Variants in KLHL1 observed in about 807,000 individuals in gnomAD.
The protein encoded by KLHL1 is kelch like family member 1.
In KLHL1, 47 loss-of-function variants were observed where a neutral mutation model predicts 77.7. The observed-to-expected ratio is 0.60, with a 90% CI of 0.48 to 0.77. KLHL1 has a LOEUF of 0.77. Among genes scored for constraint, KLHL1 ranks in the 30% least tolerant of loss-of-function variants. The pLI is 0.00. For synonymous variants in KLHL1, 360 were observed against 325.2 expected (o/e 1.11, Z -1.15); for missense variants, 925 against 910.8 (o/e 1.02, Z -0.20).
intron 4 of KLHL1, among the ~76,000 whole-genome samples, chr13:69,910,916 C>A (rs1021769326): frequency 6.6e-6 from 1 of 152,058 alleles, no homozygotes; most frequent in Non-Finnish European, 1.5e-5. Context: ...GAAAAAGTGA[C>A]TTCTGAATGA....
intron 7 of KLHL1, among the ~76,000 whole-genome samples, chr13:69,744,486 AAT>A (rs143343158): frequency 0.013 from 1,952 of 150,302 alleles, 46 homozygotes; most frequent in African/African-American, 0.044. Flanking sequence ...TTCAAAGTAT[AAT>A]ATATATATAT....
At chr13:69,806,473 A>G (rs563957445) in intron 6 of KLHL1, among the ~76,000 whole-genome samples, 2 of 152,298 alleles carry the variant, frequency 1.3e-5, no homozygotes, top group East Asian at 3.9e-4. Context: ...CTAGGAGAGA[A>G]CACTTGGATT....
Position 69,850,924 on chromosome 13 carries a change from GA to G in KLHL1, c.1228-11763del, listed in dbSNP as rs534148264. Among the ~76,000 whole-genome samples the G allele has an allele frequency of 7.9e-5, 12 of 151,576 alleles. No individual in the cohort carries two copies. In the South Asian group the frequency reaches 2.5e-3, roughly 31 times the overall value. On this transcript the variant is annotated intron_variant, in intron 5 of 10. Coordinates refer to ENST00000377844, the MANE Select transcript of KLHL1 (RefSeq NM_020866.3). ...GCTTTTTTCTTCTTTTGAACTATCT[GA>G]CTGACTCCTAGTTTTACCCTGTGTT...
At chr13:70,001,108 A>G (rs1196265093) in intron 1 of KLHL1, among the ~76,000 whole-genome samples, 1 of 151,190 alleles carries the variant, frequency 6.6e-6, no homozygotes, top group Non-Finnish European at 1.5e-5. Context: ...GTATTTAATT[A>G]TTTGTTGTTT....
chr13:69,912,907 C>G (rs890909423), intron 4 of KLHL1, among the ~76,000 whole-genome samples: 1 of 152,138 alleles, frequency 6.6e-6, no homozygotes, highest in African/African-American at 2.4e-5. Flanking sequence ...CAGCTCTCTC[C>G]TTGTGGGGAC....
chr13:70,045,507 A>C (rs940721723), intron 1 of KLHL1, among the ~76,000 whole-genome samples: 3 of 152,108 alleles, frequency 2.0e-5, no homozygotes, highest in African/African-American at 7.2e-5. Context: ...TCTATGAAAC[A>C]AAAAAGTGGG....
chr13:70,011,839 T>C (rs1885540532), intron 1 of KLHL1, among the ~76,000 whole-genome samples: 1 of 152,174 alleles, frequency 6.6e-6, no homozygotes, highest in Admixed American at 6.6e-5. Context: ...TTCATGCCGT[T>C]GATAAAGACA....
intron 1 of KLHL1, among the ~76,000 whole-genome samples, chr13:70,002,770 G>A (rs577675407): frequency 2.0e-5 from 3 of 151,484 alleles, no homozygotes; most frequent in Non-Finnish European, 3.0e-5. Context: ...ATATGCTAAC[G>A]TGCTAAGTAT....
At chr13:70,090,061 C>A (rs1887636775) in intron 1 of KLHL1, among the ~76,000 whole-genome samples, 2 of 152,006 alleles carry the variant, frequency 1.3e-5, no homozygotes, top group South Asian at 4.1e-4. Context: ...GTCATAGAAT[C>A]CTAACTCTGT....
chr13:69,939,340 C>CATATATATATATATATATAT (rs34074889), intron 4 of KLHL1, among the ~76,000 whole-genome samples: 6 of 60,842 alleles, frequency 9.9e-5, no homozygotes, highest in Non-Finnish European at 9.1e-5. Context: ...CATATACATA[C>CATATATATATATATATATAT]ATATATATAT....
intron 5 of KLHL1, among the ~76,000 whole-genome samples, chr13:69,880,374 C>T (rs991018725): frequency 1.3e-5 from 2 of 152,056 alleles, no homozygotes; most frequent in African/African-American, 4.8e-5. Flanking sequence ...TCCTCCTGCA[C>T]ATCTGTTGTG....
At chr13:69,986,615 T>C (rs1884878313) in intron 1 of KLHL1, among the ~76,000 whole-genome samples, 1 of 151,974 alleles carries the variant, frequency 6.6e-6, no homozygotes, top group Non-Finnish European at 1.5e-5. Flanking sequence ...TTATGGAGTG[T>C]TGCCAAAAAA....
At chr13:69,810,760 CCAAT>C (rs1389926890) in intron 6 of KLHL1, among the ~76,000 whole-genome samples, 1 of 151,772 alleles carries the variant, frequency 6.6e-6, no homozygotes, top group Non-Finnish European at 1.5e-5. Flanking sequence ...GAGAGAAGAT[CCAAT>C]CAAACACAGT....
intron 4 of KLHL1, among the ~76,000 whole-genome samples, chr13:69,932,624 G>C (rs997367266): frequency 6.6e-6 from 1 of 151,762 alleles, no homozygotes; most frequent in Admixed American, 6.6e-5. Context: ...TGAGACCTAT[G>C]ACAGCTCTTA....
intron 3 of KLHL1, among the ~76,000 whole-genome samples, chr13:69,950,478 C>G (rs1412719530): frequency 6.6e-6 from 1 of 151,576 alleles, no homozygotes; most frequent in Non-Finnish European, 1.5e-5. Context: ...TAATCAACTC[C>G]ATAGATTTTT....
At chr13:69,986,989 A>G (rs1368668968) in intron 1 of KLHL1, among the ~76,000 whole-genome samples, 1 of 147,110 alleles carries the variant, frequency 6.8e-6, no homozygotes, top group Non-Finnish European at 1.5e-5. Context: ...AATTAACTGT[A>G]CTTTTTTTAG....
rs1467275013 is a variant in KLHL1 at position 69,769,490 on chromosome 13, AGAAGCCT to A, written c.1639+27241_1639+27247del. ...CCCAACCTTCAAGCCAGTGACAGCC[AGAAGCCT>A]GAAAACTGGGCTGCTGGTTCTAGTT... On this transcript the variant is annotated intron_variant, in intron 7 of 10. Transcript: ENST00000377844. 2.0e-5 allele frequency among the ~76,000 whole-genome samples: 3 copies of A among 152,232 alleles called. No homozygotes were observed. In the East Asian group the frequency reaches 5.8e-4, roughly 29 times the overall value.
chr13:70,106,351 C>A (rs1888056000), intron 1 of KLHL1, among the ~76,000 whole-genome samples: 1 of 152,000 alleles, frequency 6.6e-6, no homozygotes, highest in Non-Finnish European at 1.5e-5. Flanking sequence ...ATTCCAAAAC[C>A]AGTAATGATG....
chr13:69,736,653 T>C (rs952621929), intron 8 of KLHL1, among the ~76,000 whole-genome samples: 1 of 150,892 alleles, frequency 6.6e-6, no homozygotes, highest in African/African-American at 2.4e-5. Flanking sequence ...TGCCTATCAA[T>C]TAGTGATTGG....
Sources: allele counts gnomAD v4.1 joint callset (sites outside exome capture counted in the v4.1 genomes callset), GRCh38; gene constraint gnomAD v4.1.1; transcripts MANE v1.5; gene names NCBI Gene and HGNC (gene_info 2026-07-23, HGNC 2026-07-21).